Variants in CEP128 observed in about 807,000 individuals in gnomAD.
CEP128 encodes centrosomal protein 128kDa.
In CEP128, 132 loss-of-function variants were observed where a neutral mutation model predicts 156.7. That is an observed-to-expected ratio of 0.84 (90% CI 0.73 to 0.97). The LOEUF (loss-of-function observed/expected upper bound fraction) is 0.97. Ranked by LOEUF, CEP128 falls within the 50% of genes least tolerant of loss-of-function variation. The pLI, the probability that CEP128 is intolerant of heterozygous loss-of-function variation, is 0.00. For missense variants in CEP128, 1,252 were observed against 1,281.9 expected, an observed-to-expected ratio of 0.98 and a Z score of 0.36; for synonymous variants, 469 against 448.9, an observed-to-expected ratio of 1.04 and a Z score of -0.57.
At position 80,559,280 on chromosome 14, in the gene CEP128, G is replaced by A. The variant is rs140154637; in HGVS notation, c.2879C>T (p.Thr960Met). 6.6e-5 allele frequency: 106 copies of A among 1,604,040 alleles called. No individual in the cohort carries two copies. Among genetic ancestry groups the A allele is most frequent in the Middle Eastern group, 1.7e-4 (1 of 6,036 alleles). The change falls in exon 21 of 25, where the codon ACG becomes ATG. Residue 960 changes from threonine to methionine, a missense_variant and splice_region_variant. Coordinates refer to ENST00000555265, the MANE Select transcript of CEP128 (RefSeq NM_152446.5). ...GAGAAAGAAAATGCCCCAACTTACC[G>A]TTTCTAATGCAATTACACGGTCCTG... ...SLQDRVIALE[T>M]STQVALDHLE...
intron 19 of CEP128, among the ~76,000 whole-genome samples, chr14:80,656,552 C>A (rs1191511015): frequency 2.0e-5 from 3 of 151,652 alleles, no homozygotes; most frequent in South Asian, 4.2e-4. Context: ...GTTTATACCC[C>A]TCTTAACTAT....
intron 19 of CEP128, among the ~76,000 whole-genome samples, chr14:80,737,277 A>G (rs1283764441): frequency 6.6e-6 from 1 of 151,966 alleles, no homozygotes. Flanking sequence ...GGTGGCACAC[A>G]CCTGTAGTCC....
At position 80,647,120 on chromosome 14, in the gene CEP128, C is replaced by CACAT. The variant is rs1555386218; in HGVS notation, c.2807-66698_2807-66697insATGT. Among the ~76,000 whole-genome samples, 164 of 108,440 alleles carry CACAT rather than the reference C, an allele frequency of 1.5e-3. 4 individuals are homozygous for CACAT. Among genetic ancestry groups the CACAT allele is most frequent in the African/African-American group, 3.8e-3 (128 of 33,844 alleles). 71.1% of individuals were successfully genotyped at this position (108,440 alleles called of 152,430 possible). A position where few individuals can be genotyped will look rare whatever the true frequency, so the allele number is the denominator to read the frequency against. Reference sequence around the variant, plus strand: ...ATAAATACACATACACACACACACACACACATACACACACACACACACACA... The same window carrying CACAT: ...ATAAATACACATACACACACACACACACATACACATACACACACACACACACACA... On this transcript the variant is annotated intron_variant, in intron 19 of 24. Coordinates refer to ENST00000555265, the MANE Select transcript of CEP128 (RefSeq NM_152446.5).
intron 19 of CEP128, among the ~76,000 whole-genome samples, chr14:80,625,844 C>CTCCCT (rs1452822379): frequency 2.2e-5 from 3 of 135,390 alleles, no homozygotes; most frequent in African/African-American, 5.5e-5. Flanking sequence ...TTTCTTTTTT[C>CTCCCT]TCTTTCTTTC....
intron 14 of CEP128, among the ~76,000 whole-genome samples, chr14:80,483,559 A>C (rs1171505448): frequency 1.3e-5 from 2 of 152,232 alleles, no homozygotes; most frequent in Non-Finnish European, 2.9e-5. Context: ...CAGTCAAGCT[A>C]GTGGTTCTGT....
chr14:80,478,607 C>A (rs1199486568), intron 14 of CEP128, among the ~76,000 whole-genome samples: 1 of 152,144 alleles, frequency 6.6e-6, no homozygotes, highest in Non-Finnish European at 1.5e-5. Context: ...GCAATTTCCT[C>A]ATATAAGATA....
chr14:80,757,499 T>C (rs1173453988), intron 17 of CEP128, among the ~76,000 whole-genome samples: 1 of 152,242 alleles, frequency 6.6e-6, no homozygotes, highest in African/African-American at 2.4e-5. Context: ...GCTAGCTGCT[T>C]TGACTTCCTT....
intron 19 of CEP128, among the ~76,000 whole-genome samples, chr14:80,673,632 C>T (rs1298414172): frequency 1.0e-5 from 1 of 97,000 alleles, no homozygotes; most frequent in African/African-American, 4.4e-5. Context: ...GGCGACAGAG[C>T]GAGACTCCGT....
Position 80,541,443 on chromosome 14 carries a change from T to TAAAAAAA in CEP128, c.2881-10564_2881-10558dup, listed in dbSNP as rs35523389. 2.3e-3 allele frequency among the ~76,000 whole-genome samples: 257 copies of TAAAAAAA among 109,896 alleles called. 1 individual carries two copies. The highest frequency in any genetic ancestry group is 0.011 in the Middle Eastern group (2 of 174). 72.1% of individuals were successfully genotyped at this position (109,896 alleles called of 152,430 possible). A position where few individuals can be genotyped will look rare whatever the true frequency, so the allele number is the denominator to read the frequency against. Reference sequence around the variant, plus strand: ...CAGAAAGTGAAGCTAATGACTGTGTTAAAAAAAAAAAAAAAAAAAAAACCA... The same window carrying TAAAAAAA: ...CAGAAAGTGAAGCTAATGACTGTGTTAAAAAAAAAAAAAAAAAAAAAAAAAAAAACCA... On this transcript the variant is annotated intron_variant, in intron 21 of 24. Coordinates refer to ENST00000555265, the MANE Select transcript of CEP128 (RefSeq NM_152446.5).
chr14:80,876,656 A>G (rs1285570452), intron 8 of CEP128, among the ~76,000 whole-genome samples: 3 of 150,928 alleles, frequency 2.0e-5, no homozygotes, highest in South Asian at 2.1e-4. Flanking sequence ...AAGCAATAAA[A>G]CCCCCAAATG....
intron 21 of CEP128, among the ~76,000 whole-genome samples, chr14:80,534,598 G>A (rs1437841263): frequency 6.6e-6 from 1 of 152,128 alleles, no homozygotes; most frequent in Non-Finnish European, 1.5e-5. Context: ...GTCCGAGGCG[G>A]GTGGATCATG....
intron 19 of CEP128, among the ~76,000 whole-genome samples, chr14:80,685,664 CA>C (rs966399933): frequency 6.6e-6 from 1 of 151,968 alleles, no homozygotes; most frequent in Non-Finnish European, 1.5e-5. Flanking sequence ...TAATCCTAAG[CA>C]AAAAGAACAA....
intron 19 of CEP128, among the ~76,000 whole-genome samples, chr14:80,679,785 C>G (rs1358902348): frequency 6.6e-6 from 1 of 152,122 alleles, no homozygotes; most frequent in African/African-American, 2.4e-5. Context: ...GTTTACACCC[C>G]CTCCCCTTTT....
At chr14:80,534,653 A>G (rs867478298) in intron 21 of CEP128, among the ~76,000 whole-genome samples, 2 of 151,924 alleles carry the variant, frequency 1.3e-5, no homozygotes, top group African/African-American at 2.4e-5. Context: ...GTGAAACCCC[A>G]TCTCTACTAA....
At chr14:80,764,823 C>G (rs185593119) in intron 16 of CEP128, among the ~76,000 whole-genome samples, 1 of 152,198 alleles carries the variant, frequency 6.6e-6, no homozygotes, top group Non-Finnish European at 1.5e-5. Flanking sequence ...TCCTTCACCC[C>G]CACTAAGGCT....
At chr14:80,480,531 G>A (rs1290895853) in intron 14 of CEP128, among the ~76,000 whole-genome samples, 1 of 152,138 alleles carries the variant, frequency 6.6e-6, no homozygotes, top group African/African-American at 2.4e-5. Context: ...ACCTGGCCCA[G>A]GAAACCATAT....
At chr14:80,683,967 T>C (rs768511951) in intron 19 of CEP128, among the ~76,000 whole-genome samples, 3 of 152,114 alleles carry the variant, frequency 2.0e-5, no homozygotes, top group African/African-American at 7.2e-5. Context: ...GGAAAGTTTA[T>C]AGTACTAAAC....
rs1241100564 is a variant in CEP128 at position 80,557,946 on chromosome 14, T to G, written c.2880+1333A>C. 2.6e-5 allele frequency among the ~76,000 whole-genome samples: 4 copies of G among 152,188 alleles called. No individual in the cohort carries two copies. In the East Asian group the frequency reaches 7.7e-4, roughly 29 times the overall value. On this transcript the variant is annotated intron_variant, in intron 21 of 24. Transcript: ENST00000555265. Reference sequence around the variant, plus strand: ...TGCACATTTAATATTTTTATCACTCTTTATATATCTTTATATATCACTTTT... The same window carrying G: ...TGCACATTTAATATTTTTATCACTCGTTATATATCTTTATATATCACTTTT...
chr14:80,737,170 C>T (rs1369410805), intron 19 of CEP128, among the ~76,000 whole-genome samples: 8 of 152,006 alleles, frequency 5.3e-5, no homozygotes, highest in African/African-American at 1.4e-4. Flanking sequence ...CTTTGGGAGG[C>T]CGAGGCGGGT....
Sources: allele counts gnomAD v4.1 joint callset (sites outside exome capture counted in the v4.1 genomes callset), GRCh38; gene constraint gnomAD v4.1.1; transcripts MANE v1.5; gene names NCBI Gene and HGNC (gene_info 2026-07-23, HGNC 2026-07-21).